The following DCHS2 variants were observed in gnomAD, a reference collection of about 807,000 sequenced individuals.
The protein encoded by DCHS2 is protocadherin-23.
DCHS2 carries 142 observed loss-of-function variants against 182.4 expected under a neutral mutation model. That is an observed-to-expected ratio of 0.78 (90% CI 0.68 to 0.89). The LOEUF is 0.89. Among genes scored for constraint, DCHS2 ranks in the 40% least tolerant of loss-of-function variants. The pLI, the probability that DCHS2 is intolerant of heterozygous loss-of-function variation, is 0.00. For missense variants in DCHS2, 4,319 were observed against 4,198.6 expected, an observed-to-expected ratio of 1.03 and a Z score of -0.79; for synonymous variants, 1,740 against 1,663.3, an observed-to-expected ratio of 1.05 and a Z score of -1.12.
At chr4:154,375,541 A>C (rs1036285594) in intron 2 of DCHS2, among the ~76,000 whole-genome samples, 6 of 152,202 alleles carry the variant, frequency 3.9e-5, no homozygotes, top group Non-Finnish European at 8.8e-5. Context: ...AAGAATAGAC[A>C]CTTCACAAAT....
At chr4:154,262,393 C>G (rs905058454) in intron 14 of DCHS2, among the ~76,000 whole-genome samples, 2 of 152,162 alleles carry the variant, frequency 1.3e-5, no homozygotes, top group Non-Finnish European at 2.9e-5. Flanking sequence ...AGACATCAAG[C>G]GTGTACTGTC....
At chr4:154,474,642 T>G (rs1424983055) in intron 1 of DCHS2, among the ~76,000 whole-genome samples, 1 of 152,124 alleles carries the variant, frequency 6.6e-6, no homozygotes, top group Non-Finnish European at 1.5e-5. Flanking sequence ...AGCAGTTGTT[T>G]CCGGGGAACC....
At chr4:154,373,919 C>A in intron 2 of DCHS2, 11 of 1,604,952 alleles carry the variant, frequency 6.9e-6, no homozygotes, top group Non-Finnish European at 9.4e-6. Flanking sequence ...ATGTTCCTTA[C>A]CTTCACCAGG....
chr4:154,375,346 A>G (rs1730840313), intron 2 of DCHS2, among the ~76,000 whole-genome samples: 1 of 152,100 alleles, frequency 6.6e-6, no homozygotes. Context: ...ATAATGAAGA[A>G]CTTCTGTTCC....
At position 154,325,208 on chromosome 4, in the gene DCHS2, C is replaced by T. The variant is rs115976503; in HGVS notation, c.4019-2720G>A. ...CCTCCTTTTTCCCCGTAGAAAGTCA[C>T]TTTTATAACTGAAGTTGAGGTTTAT... On this transcript the variant is annotated intron_variant, in intron 7 of 19. Transcript: ENST00000357232. Among the ~76,000 whole-genome samples, 1,377 of 151,952 alleles carry T rather than the reference C, an allele frequency of 9.1e-3. 12 individuals are homozygous for T. Among genetic ancestry groups the T allele is most frequent in the Non-Finnish European group, 0.014 (966 of 67,952 alleles).
At chr4:154,294,471 A>G (rs1353352023) in intron 13 of DCHS2, among the ~76,000 whole-genome samples, 1 of 152,070 alleles carries the variant, frequency 6.6e-6, no homozygotes, top group Non-Finnish European at 1.5e-5. Flanking sequence ...TATGAGCCCC[A>G]CTCAGTATTT....
intron 1 of DCHS2, among the ~76,000 whole-genome samples, chr4:154,470,724 G>T (rs896155683): frequency 6.6e-6 from 1 of 152,152 alleles, no homozygotes; most frequent in South Asian, 2.1e-4. Context: ...AATACCTGTA[G>T]TTAAATTAGA....
intron 2 of DCHS2, among the ~76,000 whole-genome samples, chr4:154,376,349 G>A (rs1482417446): frequency 6.6e-6 from 1 of 152,034 alleles, no homozygotes; most frequent in Non-Finnish European, 1.5e-5. Context: ...GGTCAGCAAT[G>A]TATTGAAATA....
chr4:154,490,229 T>C lies in DCHS2; in HGVS notation c.1127A>G (p.Gln376Arg). 1 of 1,549,688 alleles carries C rather than the reference T, an allele frequency of 6.5e-7. No homozygotes were observed. The highest frequency in any genetic ancestry group is 8.7e-7 in the Non-Finnish European group (1 of 1,146,804). The change falls in exon 1 of 20, where the codon CAG becomes CGG. Residue 376 changes from glutamine to arginine, a missense_variant. Gln to Arg is a conservative substitution (Grantham distance 43). Coordinates refer to ENST00000357232, the MANE Select transcript of DCHS2 (RefSeq NM_001358235.2). Reference protein sequence around the residue: ...RVWRPLDREAQAWHQLVVEAR... With the variant: ...RVWRPLDREARAWHQLVVEAR... Reference sequence around the variant, plus strand: ...CTCCACCACCAACTGGTGCCAGGCCTGTGCCTCGCGGTCCAGAGGTCTCCA... The same window carrying C: ...CTCCACCACCAACTGGTGCCAGGCCCGTGCCTCGCGGTCCAGAGGTCTCCA...
At chr4:154,360,741 G>C (rs1340664327) in intron 3 of DCHS2, among the ~76,000 whole-genome samples, 3 of 152,146 alleles carry the variant, frequency 2.0e-5, no homozygotes, top group Non-Finnish European at 4.4e-5. Context: ...TACAGTCTAT[G>C]TTAAAATCAC....
chr4:154,444,939 C>T (rs1734212117), intron 1 of DCHS2, among the ~76,000 whole-genome samples: 2 of 152,200 alleles, frequency 1.3e-5, no homozygotes. Flanking sequence ...GCTTTACTTG[C>T]TGTCTTTTCT....
At chr4:154,376,137 C>G (rs926861934) in intron 2 of DCHS2, among the ~76,000 whole-genome samples, 14 of 151,988 alleles carry the variant, frequency 9.2e-5, no homozygotes, top group African/African-American at 2.4e-4. Flanking sequence ...CTTCTGGGTT[C>G]CGGTAACGTT....
intron 9 of DCHS2, among the ~76,000 whole-genome samples, chr4:154,319,200 A>G (rs561335046): frequency 2.4e-4 from 37 of 152,278 alleles, no homozygotes; most frequent in Non-Finnish European, 4.7e-4. Context: ...ACAAAATAAA[A>G]TGGATTAAAG....
chr4:154,420,719 C>T (rs938183371), intron 1 of DCHS2, among the ~76,000 whole-genome samples: 2 of 152,180 alleles, frequency 1.3e-5, no homozygotes, highest in Non-Finnish European at 2.9e-5. Flanking sequence ...CTTACTCGGT[C>T]CACTGATTCA....
chr4:154,314,105 AC>A (rs1418399132), intron 10 of DCHS2, among the ~76,000 whole-genome samples: 1 of 152,224 alleles, frequency 6.6e-6, no homozygotes, highest in Admixed American at 6.5e-5. Context: ...AGAATCCATT[AC>A]AAAAAAATAA....
chr4:154,460,360 T>C (rs988803077), intron 1 of DCHS2, among the ~76,000 whole-genome samples: 4 of 152,182 alleles, frequency 2.6e-5, no homozygotes, highest in Non-Finnish European at 4.4e-5. Context: ...CTAAGGGAGA[T>C]TTGTTTCCTG....
At chr4:154,315,706 C>A in intron 10 of DCHS2, 42 bp downstream of exon 10, 1 of 1,592,254 alleles carries the variant, frequency 6.3e-7, no homozygotes. Context: ...TCTTCAATTT[C>A]TTTTAAGCAT....
rs1729219211 is a variant in DCHS2 at position 154,343,718 on chromosome 4, A to G, written c.2477-8614T>C. 3.8e-6 allele frequency: 5 copies of G among 1,312,062 alleles called. No individual in the cohort carries two copies. In the East Asian group the frequency reaches 1.3e-4, roughly 35 times the overall value. The allele number at this position is 1,312,062 out of a possible 1,614,324, so 81.3% of individuals were successfully genotyped here. Reference sequence around the variant, plus strand: ...TTAAGGGAATGATGTGGCTGCTTTGATCTATCCAGACCACTCAAACTTTCT... The same window carrying G: ...TTAAGGGAATGATGTGGCTGCTTTGGTCTATCCAGACCACTCAAACTTTCT... On this transcript the variant is annotated intron_variant, in intron 3 of 19. Transcript: ENST00000357232.
intron 2 of DCHS2, among the ~76,000 whole-genome samples, chr4:154,376,339 G>A (rs1415976970): frequency 6.6e-6 from 1 of 151,904 alleles, no homozygotes; most frequent in African/African-American, 2.4e-5. Flanking sequence ...GAAAGGATAG[G>A]GTCAGCAATG....
Sources: allele counts gnomAD v4.1 joint callset (sites outside exome capture counted in the v4.1 genomes callset), GRCh38; gene constraint gnomAD v4.1.1; transcripts MANE v1.5; gene names NCBI Gene and HGNC (gene_info 2026-07-23, HGNC 2026-07-21).